CHSY3: variants seen among roughly 807,000 people sequenced by gnomAD.
The protein encoded by CHSY3 is N-acetylgalactosaminyl-proteoglycan 3-beta-glucuronosyltransferase 3.
Under a neutral mutation model 67.2 loss-of-function variants are expected in CHSY3, and 35 were observed. The ratio of observed to expected loss-of-function variants is 0.52; its 90% CI spans 0.40 to 0.69. The LOEUF is 0.69. CHSY3 is among the 30% of genes least tolerant of loss of function. The pLI is 0.00. For missense variants in CHSY3, 1,069 were observed against 1,138.5 expected (o/e 0.94, Z 0.88); for synonymous variants, 474 against 434.7 (o/e 1.09, Z -1.12).
chr5:130,161,026 T>C (rs932488431), intron 2 of CHSY3, among the ~76,000 whole-genome samples: 3 of 151,562 alleles, frequency 2.0e-5, no homozygotes, highest in Non-Finnish European at 4.4e-5. Context: ...TGCCTCAGCC[T>C]CCCTGGTAGC....
At chr5:130,044,649 A>G (rs1010813645) in intron 2 of CHSY3, among the ~76,000 whole-genome samples, 6 of 152,116 alleles carry the variant, frequency 3.9e-5, no homozygotes, top group African/African-American at 9.7e-5. Flanking sequence ...AATGAAAAGG[A>G]TAGAGGAATA....
At chr5:130,124,497 C>T (rs1379411352) in intron 2 of CHSY3, among the ~76,000 whole-genome samples, 3 of 151,436 alleles carry the variant, frequency 2.0e-5, no homozygotes, top group African/African-American at 7.3e-5. Context: ...ACTCTGTTGC[C>T]CAGGCTGGAG....
chr5:129,932,979 C>T (rs1462614678), intron 2 of CHSY3, among the ~76,000 whole-genome samples: 3 of 152,102 alleles, frequency 2.0e-5, no homozygotes, highest in African/African-American at 7.2e-5. Flanking sequence ...CTTTTCTGAA[C>T]TGAAGACTGA....
At chr5:130,051,258 G>T (rs1765346365) in intron 2 of CHSY3, among the ~76,000 whole-genome samples, 1 of 151,262 alleles carries the variant, frequency 6.6e-6, no homozygotes. Context: ...TTGTTTTTAG[G>T]GTAAAAATAT....
intron 2 of CHSY3, among the ~76,000 whole-genome samples, chr5:129,956,255 C>A (rs1762169927): frequency 6.6e-6 from 1 of 151,838 alleles, no homozygotes; most frequent in African/African-American, 2.4e-5. Flanking sequence ...TAATAATAGC[C>A]ATTTTGATGG....
chr5:129,938,544 G>A (rs1451309161), intron 2 of CHSY3, among the ~76,000 whole-genome samples: 2 of 152,160 alleles, frequency 1.3e-5, no homozygotes, highest in Non-Finnish European at 2.9e-5. Flanking sequence ...AGCATATGCG[G>A]TTAGAAGCAG....
At chr5:129,993,675 C>T (rs1427969035) in intron 2 of CHSY3, among the ~76,000 whole-genome samples, 1 of 152,104 alleles carries the variant, frequency 6.6e-6, no homozygotes, top group African/African-American at 2.4e-5. Flanking sequence ...ATTTGCCAGT[C>T]TGTGTCTTTT....
intron 2 of CHSY3, among the ~76,000 whole-genome samples, chr5:129,946,202 G>GA (rs1292946630): frequency 6.6e-6 from 1 of 151,666 alleles, no homozygotes; most frequent in Non-Finnish European, 1.5e-5. Flanking sequence ...TTCTTTTTTG[G>GA]AAAAAAATAG....
chr5:130,159,161 CTTTTTT>C (rs33919002), intron 2 of CHSY3, among the ~76,000 whole-genome samples: 2 of 98,706 alleles, frequency 2.0e-5, no homozygotes, highest in African/African-American at 3.8e-5. Flanking sequence ...TAAGATTTGT[CTTTTTT>C]TTTTTTTTTT....
Position 130,028,642 on chromosome 5 carries a change from G to A in CHSY3, c.1086+120282G>A, listed in dbSNP as rs1764622571. ...ACTTATTATCTCACATAACTGAAAA[G>A]TATAGGGGTGGTCCTAGTCCTGGGC... On this transcript the variant is annotated intron_variant, in intron 2 of 2. Coordinates refer to ENST00000305031, the MANE Select transcript of CHSY3 (RefSeq NM_175856.5). Among the ~76,000 whole-genome samples the A allele has an allele frequency of 2.6e-5, 4 of 152,166 alleles. No homozygotes were observed. The South Asian group carries it at 8.3e-4, about 32-fold the overall frequency.
At chr5:129,979,568 A>C (rs906223543) in intron 2 of CHSY3, among the ~76,000 whole-genome samples, 5 of 152,178 alleles carry the variant, frequency 3.3e-5, no homozygotes, top group Non-Finnish European at 7.3e-5. Flanking sequence ...TCTCACCATA[A>C]GGTACATTTG....
At chr5:130,163,235 A>G (rs989558046) in intron 2 of CHSY3, among the ~76,000 whole-genome samples, 14 of 152,228 alleles carry the variant, frequency 9.2e-5, no homozygotes, top group Non-Finnish European at 1.5e-4. Flanking sequence ...AACAAAAGAA[A>G]CACAGTATTG....
intron 2 of CHSY3, among the ~76,000 whole-genome samples, chr5:130,021,585 TCTCTCACACA>T (rs1316300097): frequency 1.3e-5 from 2 of 152,056 alleles, no homozygotes; most frequent in East Asian, 3.8e-4. Flanking sequence ...CGTCTCACAC[TCTCTCACACA>T]CACATACATA....
At chr5:130,103,990 T>C (rs2149700173) in intron 2 of CHSY3, among the ~76,000 whole-genome samples, 1 of 152,056 alleles carries the variant, frequency 6.6e-6, no homozygotes, top group Admixed American at 6.6e-5. Context: ...AGACTATGTA[T>C]TGATGGACTT....
At chr5:129,998,664 G>A (rs773856023) in intron 2 of CHSY3, among the ~76,000 whole-genome samples, 2 of 151,902 alleles carry the variant, frequency 1.3e-5, no homozygotes, top group Non-Finnish European at 2.9e-5. Flanking sequence ...TATTAAAAAA[G>A]CCAGTCCTTT....
At chr5:130,098,707 A>C (rs1406207220) in intron 2 of CHSY3, among the ~76,000 whole-genome samples, 2 of 152,228 alleles carry the variant, frequency 1.3e-5, no homozygotes, top group Non-Finnish European at 2.9e-5. Context: ...CCAGTTTCCT[A>C]ATTCCACTTT....
chr5:130,107,576 C>T (rs1767450758), intron 2 of CHSY3, among the ~76,000 whole-genome samples: 1 of 151,126 alleles, frequency 6.6e-6, no homozygotes. Context: ...ATACATATAC[C>T]ACTTTTGCAA....
intron 2 of CHSY3, among the ~76,000 whole-genome samples, chr5:130,004,654 G>A (rs999580057): frequency 2.0e-5 from 3 of 152,104 alleles, no homozygotes; most frequent in African/African-American, 7.2e-5. Flanking sequence ...ATATTTAGGG[G>A]TTGAGTTGGC....
At chr5:130,118,195 T>C (rs1450169686) in intron 2 of CHSY3, among the ~76,000 whole-genome samples, 1 of 152,176 alleles carries the variant, frequency 6.6e-6, no homozygotes, top group Non-Finnish European at 1.5e-5. Context: ...AAACAGTTTT[T>C]CCTTATAAAT....
Sources: allele counts gnomAD v4.1 joint callset (sites outside exome capture counted in the v4.1 genomes callset), GRCh38; gene constraint gnomAD v4.1.1; transcripts MANE v1.5; gene names NCBI Gene and HGNC (gene_info 2026-07-23, HGNC 2026-07-21).